The following ARHGAP35 variants were observed in gnomAD, a reference collection of about 807,000 sequenced individuals.
ARHGAP35 encodes rho GTPase-activating protein 35.
Under a neutral mutation model 111.1 loss-of-function variants are expected in ARHGAP35, and 15 were observed. That is an observed-to-expected ratio of 0.13 (90% confidence interval 0.09 to 0.21). The LOEUF (loss-of-function observed/expected upper bound fraction) is 0.21. Ranked by LOEUF, ARHGAP35 falls within the 10% of genes least tolerant of loss-of-function variation. The pLI, the probability that ARHGAP35 is intolerant of heterozygous loss-of-function variation, is 1.00. For missense variants in ARHGAP35, 1,262 were observed against 1,873.0 expected (o/e 0.67, Z 6.02); for synonymous variants, 643 against 710.3 (o/e 0.91, Z 1.51).
At chr19:46,913,966 A>T (rs1220482243) in intron 1 of ARHGAP35, among the ~76,000 whole-genome samples, 1 of 152,182 alleles carries the variant, frequency 6.6e-6, no homozygotes, top group Non-Finnish European at 1.5e-5. Flanking sequence ...TGGCCTTCAG[A>T]TCATTAAATT....
intron 2 of ARHGAP35, among the ~76,000 whole-genome samples, chr19:46,927,941 T>C (rs2056247900): frequency 6.6e-6 from 1 of 152,206 alleles, no homozygotes; most frequent in South Asian, 2.1e-4. Context: ...CCAGTCGATT[T>C]GTTCATTCAA....
intron 1 of ARHGAP35, among the ~76,000 whole-genome samples, chr19:46,876,076 C>G (rs376747672): frequency 6.6e-6 from 1 of 152,256 alleles, no homozygotes; most frequent in South Asian, 2.1e-4. Context: ...CTCTTGGTGC[C>G]TTAGGCACGT....
chr19:47,000,268 G>A lies in ARHGAP35; in HGVS notation c.4143-63G>A. On this transcript the variant is annotated intron_variant, in intron 6 of 6. Transcript: ENST00000672722. This position sits in a 1 kb window ranked among gnomAD's most constrained non-coding sequence, Gnocchi z 6.9. The stretch of plus-strand genomic sequence containing the variant: ...GCTCAGCCTGGGTGCTGAAGACCAT[G>A]AGCGCCCAGGGCCAGGTGGGGCCCT... 6 of 1,536,546 alleles carry A rather than the reference G, an allele frequency of 3.9e-6. No homozygotes were observed. The highest frequency in any genetic ancestry group is 5.3e-6 in the Non-Finnish European group (6 of 1,130,672).
chr19:46,874,793 C>T (rs1426313600), intron 1 of ARHGAP35, among the ~76,000 whole-genome samples: 5 of 143,278 alleles, frequency 3.5e-5, no homozygotes, highest in East Asian at 2.0e-4. Context: ...TGAGCCACTG[C>T]GCCCGGCAGT....
At position 47,001,256 on chromosome 19, in the gene ARHGAP35, C is replaced by T. The variant is rs1348864527; in HGVS notation, c.*568C>T. ...TGCTGAGGGCGCTGGCTCTGCAGAT[C>T]AGAACAACGGAGGATAGCTTTGTGC... On this transcript the variant is annotated 3_prime_UTR_variant, in exon 7 of 7. Coordinates refer to ENST00000672722, the MANE Select transcript of ARHGAP35 (RefSeq NM_004491.5). This position sits in a 1 kb window ranked among gnomAD's most constrained non-coding sequence, Gnocchi z 5.4. 2.3e-6 allele frequency: 3 copies of T among 1,288,596 alleles called. No individual in the cohort carries two copies. The highest frequency in any genetic ancestry group is 1.5e-5 in the African/African-American group (1 of 65,910). 79.8% of individuals were successfully genotyped at this position (1,288,596 alleles called of 1,614,324 possible).
intron 1 of ARHGAP35, among the ~76,000 whole-genome samples, chr19:46,884,750 G>A (rs1310389839): frequency 1.3e-5 from 2 of 151,880 alleles, no homozygotes; most frequent in Non-Finnish European, 2.9e-5. Flanking sequence ...GCCTCCCAAA[G>A]TACTAAGATT....
At position 47,001,370 on chromosome 19, in the gene ARHGAP35, C is replaced by T. The variant is rs530302208; in HGVS notation, c.*682C>T. On this transcript the variant is annotated 3_prime_UTR_variant, in exon 7 of 7. Transcript: ENST00000672722. This position sits in a 1 kb window ranked among gnomAD's most constrained non-coding sequence, Gnocchi z 5.4. Reference sequence around the variant, plus strand: ...AAACATTCCCTGGCAAACAAAGGAACACTAGGAGAAAAAATGGAAAAACCC... The same window carrying T: ...AAACATTCCCTGGCAAACAAAGGAATACTAGGAGAAAAAATGGAAAAACCC... 9.6e-4 allele frequency: 1,241 copies of T among 1,290,046 alleles called. No individual in the cohort carries two copies. Among genetic ancestry groups the T allele is most frequent in the Middle Eastern group, 3.0e-3 (14 of 4,696 alleles). The allele number at this position is 1,290,046 out of a possible 1,614,324, so 79.9% of individuals were successfully genotyped here.
At chr19:46,965,158 C>T (rs1178120481) in intron 3 of ARHGAP35, among the ~76,000 whole-genome samples, 1 of 152,036 alleles carries the variant, frequency 6.6e-6, no homozygotes, top group Non-Finnish European at 1.5e-5. Context: ...ACTAAAAATA[C>T]AAAAATTAGC....
Position 46,993,407 on chromosome 19 carries a change from G to A in ARHGAP35, c.4036+3732G>A, listed in dbSNP as rs2056689876. 6.6e-6 allele frequency among the ~76,000 whole-genome samples: 1 copy of A among 152,248 alleles called. No homozygotes were observed. Among genetic ancestry groups the A allele is most frequent in the Non-Finnish European group, 1.5e-5 (1 of 68,044 alleles). The stretch of plus-strand genomic sequence containing the variant: ...GGCCTAGAGCTTGGTTGGCAGCCTG[G>A]CTGCCAGTGATGGCAAGTGGCGCAG... On this transcript the variant is annotated intron_variant, in intron 5 of 6. Coordinates refer to ENST00000672722, the MANE Select transcript of ARHGAP35 (RefSeq NM_004491.5). The surrounding 1 kb of genome is among the most constrained non-coding windows in gnomAD (Gnocchi z 4.6).
At chr19:46,914,732 A>G (rs1278218171) in intron 1 of ARHGAP35, among the ~76,000 whole-genome samples, 1 of 152,220 alleles carries the variant, frequency 6.6e-6, no homozygotes, top group East Asian at 1.9e-4. Context: ...TGAATGGATA[A>G]TACATTTTAG....
In ARHGAP35 at chr19:46,988,251, G is replaced by A; in HGVS notation, c.3904+185G>A. 5.1e-6 allele frequency: 3 copies of A among 587,584 alleles called. No individual in the cohort carries two copies. The highest frequency in any genetic ancestry group is 6.1e-6 in the Non-Finnish European group (2 of 329,632). The allele number at this position is 587,584 out of a possible 1,614,324, so 36.4% of individuals were successfully genotyped here. On this transcript the variant is annotated intron_variant, in intron 4 of 6. Coordinates refer to ENST00000672722, the MANE Select transcript of ARHGAP35 (RefSeq NM_004491.5). This position sits in a 1 kb window ranked among gnomAD's most constrained non-coding sequence, Gnocchi z 5.4. ...GGGAGGAGGGGACCGGGTCCTGTCA[G>A]TGAACCGAAGCACCATCCCTGCCCA...
intron 3 of ARHGAP35, among the ~76,000 whole-genome samples, chr19:46,944,638 G>A (rs1034589832): frequency 2.6e-5 from 4 of 152,178 alleles, no homozygotes; most frequent in African/African-American, 9.7e-5. Context: ...TGGAAGTGTG[G>A]GAAGAGAAGC....
At chr19:46,883,137 C>T (rs897579273) in intron 1 of ARHGAP35, among the ~76,000 whole-genome samples, 1 of 152,056 alleles carries the variant, frequency 6.6e-6, no homozygotes, top group African/African-American at 2.4e-5. Context: ...CTCTGTTGCC[C>T]AGGTTGGAGT....
At position 46,921,270 on chromosome 19, in the gene ARHGAP35, C is replaced by T; in HGVS notation, c.2595C>T (p.Ala865=). The T allele has an allele frequency of 6.2e-7, 1 of 1,613,996 alleles. No homozygotes were observed. The highest frequency in any genetic ancestry group is 1.6e-4 in the Middle Eastern group (1 of 6,062). ...YIVFYSAKRK[A]SLAMLRAFLC... ...TTTTTTATTCAGCCAAACGTAAGGCCTCTTTGGCTATGTTACGTGCCTTTC... is the reference window on the plus strand; with the variant it reads ...TTTTTTATTCAGCCAAACGTAAGGCTTCTTTGGCTATGTTACGTGCCTTTC... The change falls in exon 2 of 7, where the codon GCC becomes GCT. Residue 865 remains alanine (A), a synonymous_variant. Coordinates refer to ENST00000672722, the MANE Select transcript of ARHGAP35 (RefSeq NM_004491.5). The surrounding 1 kb of genome is among the most constrained non-coding windows in gnomAD (Gnocchi z 4.3).
At chr19:46,906,550 G>T (rs1286985165) in intron 1 of ARHGAP35, among the ~76,000 whole-genome samples, 1 of 152,156 alleles carries the variant, frequency 6.6e-6, no homozygotes, top group East Asian at 1.9e-4. Context: ...AAGTATGTAC[G>T]ATTTGAACAA....
At chr19:46,900,325 G>C (rs1599806918) in intron 1 of ARHGAP35, among the ~76,000 whole-genome samples, 1 of 150,128 alleles carries the variant, frequency 6.7e-6, no homozygotes, top group South Asian at 2.1e-4. Flanking sequence ...AGGTTTAAGT[G>C]ATTCTCTGCC....
chr19:46,888,261 A>T (rs1224474794), intron 1 of ARHGAP35, among the ~76,000 whole-genome samples: 15 of 18,994 alleles, frequency 7.9e-4, no homozygotes, highest in South Asian at 2.0e-3. Flanking sequence ...CTCAATCAAT[A>T]ATATATATAT....
intron 3 of ARHGAP35, among the ~76,000 whole-genome samples, chr19:46,969,098 A>G (rs1267071626): frequency 1.3e-5 from 2 of 152,140 alleles, no homozygotes; most frequent in East Asian, 3.9e-4. Context: ...AAAAAAATAG[A>G]AAGAAGTAGA....
intron 1 of ARHGAP35, among the ~76,000 whole-genome samples, chr19:46,897,672 G>A: frequency 6.9e-6 from 1 of 144,232 alleles, no homozygotes; most frequent in Non-Finnish European, 1.5e-5. Context: ...TTTGTAATGG[G>A]ATTTTCAGGC....
Sources: gnomAD v4.1 joint callset for allele counts (sites outside exome capture counted in the v4.1 genomes callset) on GRCh38, gnomAD v4.1.1 for gene constraint, Gnocchi (gnomAD v3.1) non-coding constraint, MANE v1.5 for transcripts, NCBI Gene and HGNC (gene_info 2026-07-23, HGNC 2026-07-21) for gene names.